The following PKHD1 variants were observed in gnomAD, a reference collection of about 807,000 sequenced individuals.
The protein encoded by PKHD1 is PKHD1 ciliary IPT domain containing fibrocystin/polyductin.
Under a neutral mutation model 412.0 loss-of-function variants are expected in PKHD1, and 291 were observed. The ratio of observed to expected loss-of-function variants is 0.71; its 90% CI spans 0.64 to 0.78. The LOEUF is 0.78. Among genes scored for constraint, PKHD1 ranks in the 30% least tolerant of loss-of-function variants. PKHD1 has a pLI of 0.00. For missense variants in PKHD1, 4,825 were observed against 4,950.7 expected (o/e 0.97, Z 0.76); for synonymous variants, 1,777 against 1,821.5 (o/e 0.98, Z 0.62).
At chr6:51,756,244 C>T (rs1374527181) in intron 55 of PKHD1, among the ~76,000 whole-genome samples, 8 of 152,044 alleles carry the variant, frequency 5.3e-5, no homozygotes, top group African/African-American at 1.9e-4. Flanking sequence ...CTAGAAAACT[C>T]CCAGTTACAG....
rs1807809643 is a variant in PKHD1 at position 52,056,734 on chromosome 6, A to T, written c.1657T>A (p.Trp553Arg). ...LAVKCKLEPL[W>R]SNILLRLGFE... The stretch of plus-strand genomic sequence containing the variant: ...CCAAGCCGGAGAAGGATGTTAGACC[A>T]AAGGGGTTCCAGTTTGCATTTTACT... The change falls in exon 18 of 67, where the codon TGG (tryptophan) becomes AGG (arginine). Residue 553 changes from tryptophan to arginine, a missense_variant. Trp to Arg is a moderately radical substitution (Grantham distance 101). Coordinates refer to ENST00000371117, the MANE Select transcript of PKHD1 (RefSeq NM_138694.4). The T allele has an allele frequency of 2.5e-6, 4 of 1,614,030 alleles. No individual in the cohort carries two copies. Among genetic ancestry groups the T allele is most frequent in the Non-Finnish European group, 3.4e-6 (4 of 1,179,880 alleles).
chr6:52,066,439 T>C (rs1032208127), intron 11 of PKHD1, among the ~76,000 whole-genome samples: 19 of 152,202 alleles, frequency 1.2e-4, no homozygotes, highest in Admixed American at 1.0e-3. Flanking sequence ...CAACTTTGGG[T>C]ACACTGGGAA....
chr6:51,754,230 T>TA (rs545548883), intron 56 of PKHD1, among the ~76,000 whole-genome samples: 24 of 152,180 alleles, frequency 1.6e-4, no homozygotes, highest in South Asian at 4.1e-4. Context: ...GTATTGTGTA[T>TA]AAAAATATTT....
intron 53 of PKHD1, among the ~76,000 whole-genome samples, chr6:51,787,228 G>A (rs1404964879): frequency 2.0e-5 from 3 of 152,022 alleles, no homozygotes; most frequent in Non-Finnish European, 4.4e-5. Context: ...GCATGGTGGC[G>A]AGCAGCTATA....
intron 60 of PKHD1, among the ~76,000 whole-genome samples, chr6:51,676,225 T>TAG (rs1203270381): frequency 1.9e-5 from 2 of 105,706 alleles, no homozygotes; most frequent in African/African-American, 7.5e-5. Context: ...TCGTCTTTGC[T>TAG]AGAAAAAAAA....
intron 43 of PKHD1, among the ~76,000 whole-genome samples, chr6:51,897,486 C>T (rs1290671898): frequency 2.7e-5 from 4 of 150,404 alleles, no homozygotes; most frequent in Non-Finnish European, 5.9e-5. Context: ...CACCACCAGG[C>T]CTGCCCTAAA....
rs1004945813 is a variant in PKHD1 at position 51,618,970 on chromosome 6, C to A, written c.*111G>T. On this transcript the variant is annotated 3_prime_UTR_variant, in exon 67 of 67. Transcript: ENST00000371117. ...AGTTGAAAAAGGGATTCAGAGTCCACATTCTCTCTTCTTAGTTGTCCCAGC... is the reference window on the plus strand; with the variant it reads ...AGTTGAAAAAGGGATTCAGAGTCCAAATTCTCTCTTCTTAGTTGTCCCAGC... The A allele has an allele frequency of 1.0e-6, 1 of 986,588 alleles. No individual in the cohort carries two copies. Among genetic ancestry groups the A allele is most frequent in the Admixed American group, 1.7e-5 (1 of 58,716 alleles). 61.1% of individuals were successfully genotyped at this position (986,588 alleles called of 1,614,324 possible).
At chr6:51,929,328 C>T (rs1561907823) in intron 37 of PKHD1, among the ~76,000 whole-genome samples, 1 of 152,150 alleles carries the variant, frequency 6.6e-6, no homozygotes, top group Non-Finnish European at 1.5e-5. Flanking sequence ...AAAAGAATGA[C>T]CTAGTAGAGT....
chr6:51,662,821 G>C (rs1433499399), intron 60 of PKHD1, among the ~76,000 whole-genome samples: 1 of 151,884 alleles, frequency 6.6e-6, no homozygotes, highest in Non-Finnish European at 1.5e-5. Flanking sequence ...ACTTAAAGTA[G>C]ACAAATTTCT....
At chr6:51,653,450 C>A (rs1188160073) in intron 61 of PKHD1, among the ~76,000 whole-genome samples, 4 of 152,042 alleles carry the variant, frequency 2.6e-5, no homozygotes. Context: ...CAAATCAGTA[C>A]CTACTATGCA....
intron 36 of PKHD1, among the ~76,000 whole-genome samples, chr6:51,958,106 T>C (rs1238311995): frequency 6.6e-6 from 1 of 152,134 alleles, no homozygotes; most frequent in Non-Finnish European, 1.5e-5. Context: ...TATATCTCTA[T>C]GATAAAAACC....
intron 5 of PKHD1, among the ~76,000 whole-genome samples, chr6:52,077,156 A>G (rs539207224): frequency 3.3e-5 from 5 of 152,238 alleles, no homozygotes; most frequent in Non-Finnish European, 4.4e-5. Context: ...AATTTTTGTG[A>G]ATGAAAAGAG....
chr6:52,049,267 C>T (rs1444655819), intron 22 of PKHD1, among the ~76,000 whole-genome samples: 4 of 152,194 alleles, frequency 2.6e-5, no homozygotes, highest in Non-Finnish European at 4.4e-5. Context: ...GTACTGAATA[C>T]TGTAGGCAAT....
At position 51,976,723 on chromosome 6, in the gene PKHD1, G is replaced by A. The variant is rs544597435; in HGVS notation, c.5752-16697C>T. Reference sequence around the variant, plus strand: ...CTAGTACTTTGGGAAGCCAAGGTGGGTGGATCACAAGGCCAAGGGATCGAG... The same window carrying A: ...CTAGTACTTTGGGAAGCCAAGGTGGATGGATCACAAGGCCAAGGGATCGAG... On this transcript the variant is annotated intron_variant, in intron 35 of 66. Coordinates refer to ENST00000371117, the MANE Select transcript of PKHD1 (RefSeq NM_138694.4). 7.2e-5 allele frequency among the ~76,000 whole-genome samples: 11 copies of A among 152,262 alleles called. No homozygotes were observed. The East Asian group carries it at 2.1e-3, about 29-fold the overall frequency.
chr6:51,735,777 A>T (rs541154888), intron 60 of PKHD1, among the ~76,000 whole-genome samples: 21 of 151,680 alleles, frequency 1.4e-4, no homozygotes, highest in South Asian at 1.0e-3. Context: ...AATTTTTTTT[A>T]AAAAAAACTA....
intron 23 of PKHD1, 38 bp downstream of exon 23, chr6:52,048,454 G>A (rs761876290): frequency 1.1e-5 from 18 of 1,604,686 alleles, no homozygotes; most frequent in Non-Finnish European, 1.5e-5. Context: ...GTGAGAATAT[G>A]TGAGTGAGAA....
chr6:51,633,910 C>G (rs1768226943), intron 64 of PKHD1, among the ~76,000 whole-genome samples: 1 of 152,026 alleles, frequency 6.6e-6, no homozygotes, highest in Non-Finnish European at 1.5e-5. Context: ...TGTTTGAAAA[C>G]TTGCCTTTAA....
chr6:51,755,768 C>G (rs1786889893), intron 55 of PKHD1, among the ~76,000 whole-genome samples: 1 of 152,154 alleles, frequency 6.6e-6, no homozygotes, highest in African/African-American at 2.4e-5. Context: ...AATGTTCATT[C>G]AGACAACAGT....
intron 52 of PKHD1, among the ~76,000 whole-genome samples, chr6:51,797,688 G>A (rs765346548): frequency 3.3e-5 from 5 of 152,018 alleles, no homozygotes; most frequent in Admixed American, 6.6e-5. Flanking sequence ...TTGAACCTAT[G>A]TGTGTCTTTG....
Sources: allele counts gnomAD v4.1 joint callset (sites outside exome capture counted in the v4.1 genomes callset), GRCh38; gene constraint gnomAD v4.1.1; transcripts MANE v1.5; gene names NCBI Gene and HGNC (gene_info 2026-07-23, HGNC 2026-07-21).